The following FRMD3 variants were observed in gnomAD, a reference collection of about 807,000 sequenced individuals.
FRMD3 encodes the protein FERM domain containing 3.
Under a neutral mutation model 70.2 loss-of-function variants are expected in FRMD3, and 33 were observed. The observed-to-expected ratio is 0.47, with a 90% CI of 0.36 to 0.63. FRMD3 has a LOEUF of 0.63. FRMD3 is among the 20% of genes least tolerant of loss of function. The pLI is 0.00. For missense variants in FRMD3, 632 were observed against 711.4 expected (o/e 0.89, Z 1.27); for synonymous variants, 279 against 255.9 (o/e 1.09, Z -0.86).
intron 13 of FRMD3, among the ~76,000 whole-genome samples, chr9:83,249,755 T>C (rs1029175586): frequency 1.3e-5 from 2 of 152,172 alleles, no homozygotes; most frequent in Non-Finnish European, 2.9e-5. Context: ...AAGATGCTAC[T>C]TTATGCCTAC....
chr9:83,547,645 A>G, the FRMD3 span, among the ~76,000 whole-genome samples: 1 of 152,184 alleles, frequency 6.6e-6, no homozygotes, highest in African/African-American at 2.4e-5. Context: ...CAGAAAATCA[A>G]CAAAGAAACT....
At chr9:83,514,416 C>T (rs971774922) in intron 1 of FRMD3, among the ~76,000 whole-genome samples, 2 of 152,190 alleles carry the variant, frequency 1.3e-5, no homozygotes, top group Admixed American at 6.5e-5. Flanking sequence ...TCTCTAGATT[C>T]CTCGTCTCTG....
intron 13 of FRMD3, among the ~76,000 whole-genome samples, chr9:83,259,480 A>T (rs1461949090): frequency 6.6e-6 from 1 of 152,142 alleles, no homozygotes; most frequent in Non-Finnish European, 1.5e-5. Flanking sequence ...TATTCAAAGT[A>T]TCTCACACTT....
At chr9:83,301,130 G>A (rs1834906663) in intron 10 of FRMD3, among the ~76,000 whole-genome samples, 1 of 152,150 alleles carries the variant, frequency 6.6e-6, no homozygotes, top group Admixed American at 6.5e-5. Context: ...AGAGGCACGT[G>A]AGAGCCATGG....
At chr9:83,503,019 T>A (rs148120942) in intron 1 of FRMD3, among the ~76,000 whole-genome samples, 1 of 152,292 alleles carries the variant, frequency 6.6e-6, no homozygotes, top group Non-Finnish European at 1.5e-5. Flanking sequence ...TACTACAGTG[T>A]AATTAGCAGT....
At chr9:83,495,368 C>T (rs1268567137) in intron 1 of FRMD3, among the ~76,000 whole-genome samples, 1 of 152,098 alleles carries the variant, frequency 6.6e-6, no homozygotes, top group African/African-American at 2.4e-5. Context: ...GTCGCTGGTG[C>T]CCTTGGTAAG....
intron 13 of FRMD3, among the ~76,000 whole-genome samples, chr9:83,278,931 G>T (rs961676131): frequency 6.6e-6 from 1 of 152,296 alleles, no homozygotes; most frequent in African/African-American, 2.4e-5. Flanking sequence ...CCCAGTAAGG[G>T]TACAATTGGT....
At chr9:83,243,231 C>T, downstream of FRMD3, 1 of 1,550,136 alleles carries the variant, frequency 6.5e-7, no homozygotes. Flanking sequence ...AGCCCAGATG[C>T]AGGTCCAAGA....
chr9:83,250,890 C>A (rs1032403396), intron 13 of FRMD3, among the ~76,000 whole-genome samples: 17 of 152,336 alleles, frequency 1.1e-4, no homozygotes, highest in African/African-American at 4.1e-4. Context: ...GGGGAAGGGG[C>A]AGCCACCATT....
chr9:83,395,493 C>T (rs1036636010), intron 1 of FRMD3, among the ~76,000 whole-genome samples: 2 of 152,032 alleles, frequency 1.3e-5, no homozygotes, highest in Non-Finnish European at 2.9e-5. Flanking sequence ...CACTCTCCAC[C>T]CCCAACAAGT....
At chr9:83,543,886 G>A in the FRMD3 span, among the ~76,000 whole-genome samples, 1 of 152,076 alleles carries the variant, frequency 6.6e-6, no homozygotes, top group Non-Finnish European at 1.5e-5. Context: ...CAGTGCTTGG[G>A]CCTGGTAATG....
intron 9 of FRMD3, 103 bp from the exon 10 acceptor site, chr9:83,309,727 T>C (rs1835280793): frequency 1.6e-6 from 1 of 638,622 alleles, no homozygotes; most frequent in African/African-American, 1.8e-5. Context: ...TCCTATCTCC[T>C]ATTACACAGA....
rs548184584 is a variant in FRMD3 at position 83,245,018 on chromosome 9, C to G, written c.*2900G>C. 1 of 984,672 alleles carries G rather than the reference C, an allele frequency of 1.0e-6. No individual in the cohort carries two copies. The highest frequency in any genetic ancestry group is 1.2e-6 in the Non-Finnish European group (1 of 829,406). The allele number at this position is 984,672 out of a possible 1,614,324, so 61.0% of individuals were successfully genotyped here. On this transcript the variant is annotated 3_prime_UTR_variant, in exon 14 of 14. Coordinates refer to ENST00000304195, the MANE Select transcript of FRMD3 (RefSeq NM_174938.6). ...TTATTTATATCCACAAATGTACACT[C>G]AGTGGCATTTATGGAAAATTTAACC...
intron 4 of FRMD3, among the ~76,000 whole-genome samples, chr9:83,346,255 C>CAAAAAAA (rs56163115): frequency 1.6e-5 from 1 of 62,144 alleles, no homozygotes; most frequent in Admixed American, 2.2e-4. Flanking sequence ...GACGCCATCT[C>CAAAAAAA]AAAAAAAAAA....
the FRMD3 span, among the ~76,000 whole-genome samples, chr9:83,562,891 GCC>G: frequency 2.8e-5 from 4 of 144,054 alleles, no homozygotes; most frequent in African/African-American, 1.0e-4. Context: ...TATGGCCAAT[GCC>G]CCCCCCCCAG....
At chr9:83,405,559 C>G (rs746673403) in intron 1 of FRMD3, among the ~76,000 whole-genome samples, 2 of 151,056 alleles carry the variant, frequency 1.3e-5, no homozygotes, top group Non-Finnish European at 2.9e-5. Flanking sequence ...GTTGGGAGTT[C>G]GAGACCAGCC....
intron 1 of FRMD3, among the ~76,000 whole-genome samples, chr9:83,474,996 G>A (rs934944632): frequency 3.3e-5 from 5 of 152,116 alleles, no homozygotes; most frequent in South Asian, 2.1e-4. Context: ...AGATTGAGTT[G>A]AGATTATAAA....
At chr9:83,323,578 C>CA (rs1316963628) in intron 6 of FRMD3, among the ~76,000 whole-genome samples, 2 of 152,176 alleles carry the variant, frequency 1.3e-5, no homozygotes, top group Non-Finnish European at 2.9e-5. Flanking sequence ...TGCACCACTT[C>CA]AGGACTCTGC....
At chr9:83,289,862 C>T (rs536783622) in intron 13 of FRMD3, among the ~76,000 whole-genome samples, 5 of 152,242 alleles carry the variant, frequency 3.3e-5, no homozygotes, top group East Asian at 3.9e-4. Flanking sequence ...CAGGTGTTTG[C>T]AGCAAGCATT....
Sources: gnomAD v4.1 joint callset for allele counts (sites outside exome capture counted in the v4.1 genomes callset) on GRCh38, gnomAD v4.1.1 for gene constraint, MANE v1.5 for transcripts, NCBI Gene and HGNC (gene_info 2026-07-23, HGNC 2026-07-21) for gene names.